The following KIAA1328 variants were observed in gnomAD, a reference collection of about 807,000 sequenced individuals.
KIAA1328 encodes KIAA1328.
Under a neutral mutation model 68.1 loss-of-function variants are expected in KIAA1328, and 52 were observed. The observed-to-expected ratio is 0.76, with a 90% CI of 0.61 to 0.96. KIAA1328 has a LOEUF of 0.96. KIAA1328 is among the 40% of genes least tolerant of loss of function. The pLI, the probability that KIAA1328 is intolerant of heterozygous loss-of-function variation, is 0.00. For missense variants in KIAA1328, 641 were observed against 677.6 expected, an observed-to-expected ratio of 0.95 and a Z score of 0.60; for synonymous variants, 232 against 239.4, an observed-to-expected ratio of 0.97 and a Z score of 0.28.
intron 6 of KIAA1328, among the ~76,000 whole-genome samples, chr18:37,062,637 A>G (rs757305271): frequency 6.1e-4 from 92 of 151,880 alleles, no homozygotes; most frequent in Admixed American, 5.9e-3. Flanking sequence ...TTATATTTGT[A>G]GTAGAGACAG....
chr18:37,133,856 C>T (rs1411329701), intron 7 of KIAA1328, among the ~76,000 whole-genome samples: 3 of 152,006 alleles, frequency 2.0e-5, no homozygotes, highest in Non-Finnish European at 4.4e-5. Flanking sequence ...TAAAAACATT[C>T]GCATGACAAG....
At chr18:37,048,720 A>G (rs2055574695) in intron 6 of KIAA1328, among the ~76,000 whole-genome samples, 1 of 152,194 alleles carries the variant, frequency 6.6e-6, no homozygotes, top group African/African-American at 2.4e-5. Flanking sequence ...AAGACAGTTG[A>G]AATTTTCCTT....
chr18:37,103,242 C>G (rs750204339), intron 7 of KIAA1328, among the ~76,000 whole-genome samples: 48 of 152,114 alleles, frequency 3.2e-4, no homozygotes, highest in Non-Finnish European at 5.7e-4. Context: ...ATCACACTAC[C>G]TGACTTCAAG....
At chr18:37,158,886 T>A (rs1034889574) in intron 7 of KIAA1328, among the ~76,000 whole-genome samples, 1 of 152,098 alleles carries the variant, frequency 6.6e-6, no homozygotes, top group African/African-American at 2.4e-5. Flanking sequence ...GTCACTGGAT[T>A]TGCCTGGGTT....
At chr18:37,120,821 G>C (rs1456650579) in intron 7 of KIAA1328, among the ~76,000 whole-genome samples, 1 of 152,110 alleles carries the variant, frequency 6.6e-6, no homozygotes, top group Non-Finnish European at 1.5e-5. Flanking sequence ...CTTTTTTAAA[G>C]CTCCACTTTA....
chr18:37,100,595 C>A (rs1034097694), intron 7 of KIAA1328, among the ~76,000 whole-genome samples: 1 of 152,228 alleles, frequency 6.6e-6, no homozygotes, highest in Non-Finnish European at 1.5e-5. Flanking sequence ...CCTCTGGGGG[C>A]AGGGCATAGC....
intron 7 of KIAA1328, among the ~76,000 whole-genome samples, chr18:37,115,709 A>G (rs1007222760): frequency 1.3e-5 from 2 of 152,232 alleles, no homozygotes; most frequent in African/African-American, 4.8e-5. Flanking sequence ...AATTAGGAAG[A>G]GAGGAAGTCA....
chr18:37,065,295 AG>A (rs1171139871), intron 6 of KIAA1328, among the ~76,000 whole-genome samples: 3 of 152,214 alleles, frequency 2.0e-5, no homozygotes, highest in Non-Finnish European at 2.9e-5. Flanking sequence ...AGGAAGTGTT[AG>A]TGGAAGCTGT....
chr18:37,135,979 C>T (rs548513729), intron 7 of KIAA1328, among the ~76,000 whole-genome samples: 1 of 152,170 alleles, frequency 6.6e-6, no homozygotes, highest in African/African-American at 2.4e-5. Context: ...GTGGCTTTAT[C>T]TTTGGGTTTT....
intron 9 of KIAA1328, among the ~76,000 whole-genome samples, chr18:37,210,641 C>T (rs1343293319): frequency 6.6e-6 from 1 of 152,196 alleles, no homozygotes; most frequent in Non-Finnish European, 1.5e-5. Flanking sequence ...TTTATAGTCT[C>T]CTATCACATG....
At chr18:36,968,960 A>C (rs1346214127) in intron 6 of KIAA1328, among the ~76,000 whole-genome samples, 5 of 152,216 alleles carry the variant, frequency 3.3e-5, no homozygotes, top group Admixed American at 6.5e-5. Context: ...AGTACAATAA[A>C]AATAGAATTC....
In KIAA1328 at chr18:37,027,134, T is replaced by C. The variant is rs141114756; in HGVS notation, c.577-39756T>C. Among the ~76,000 whole-genome samples, 48 of 152,128 alleles carry C rather than the reference T, an allele frequency of 3.2e-4. No homozygotes were observed. In the East Asian group the frequency reaches 8.5e-3, roughly 27 times the overall value. Reference sequence around the variant, plus strand: ...CTATTCACAATTGCTTCAAAGAGAATAAAATACCTAGGAATCCAACTTACA... The same window carrying C: ...CTATTCACAATTGCTTCAAAGAGAACAAAATACCTAGGAATCCAACTTACA... On this transcript the variant is annotated intron_variant, in intron 6 of 9. Coordinates refer to ENST00000280020, the MANE Select transcript of KIAA1328 (RefSeq NM_020776.3).
At position 37,205,290 on chromosome 18, in the gene KIAA1328, G is replaced by A. The variant is rs916975454; in HGVS notation, c.1524-16727G>A. Among the ~76,000 whole-genome samples the A allele has an allele frequency of 3.3e-5, 5 of 152,198 alleles. 1 individual carries two copies. The highest frequency in any genetic ancestry group is 5.9e-5 in the Non-Finnish European group (4 of 68,040). On this transcript the variant is annotated intron_variant, in intron 9 of 9. Transcript: ENST00000280020. ...GTAAAACAGGAGAACAAAAGCTGCCGTGGGGATAGTGCCAAAGGTGGGAAA... is the reference window on the plus strand; with the variant it reads ...GTAAAACAGGAGAACAAAAGCTGCCATGGGGATAGTGCCAAAGGTGGGAAA...
chr18:37,006,070 T>C (rs1159192001), intron 6 of KIAA1328, among the ~76,000 whole-genome samples: 1 of 151,772 alleles, frequency 6.6e-6, no homozygotes, highest in Non-Finnish European at 1.5e-5. Flanking sequence ...AAAAATGTAT[T>C]GTAATCAGGT....
chr18:37,191,153 A>G (rs2154217423), intron 9 of KIAA1328, among the ~76,000 whole-genome samples: 1 of 152,276 alleles, frequency 6.6e-6, no homozygotes, highest in Non-Finnish European at 1.5e-5. Context: ...CTGTCTGCGG[A>G]ATCATTCTAA....
chr18:37,156,575 G>T (rs16968574), intron 7 of KIAA1328, among the ~76,000 whole-genome samples: 1,634 of 152,048 alleles, frequency 0.011, 38 homozygotes, highest in African/African-American at 0.037. Context: ...GGCCCATAAA[G>T]TGTGTTCTTC....
intron 7 of KIAA1328, chr18:37,075,485 TTAAC>T (rs2056691046): frequency 6.6e-6 from 1 of 152,106 alleles, no homozygotes; most frequent in Admixed American, 6.6e-5. Context: ...CATAACAATA[TTAAC>T]TTTAAATGTA....
At chr18:37,091,892 G>A (rs1353951974) in intron 7 of KIAA1328, among the ~76,000 whole-genome samples, 1 of 152,196 alleles carries the variant, frequency 6.6e-6, no homozygotes, top group Non-Finnish European at 1.5e-5. Flanking sequence ...CATAGCCTGA[G>A]AGCTGCCTAT....
At position 36,882,964 on chromosome 18, in the gene KIAA1328, A is replaced by G. The variant is rs148816892; in HGVS notation, c.333-2593A>G. Among the ~76,000 whole-genome samples the G allele has an allele frequency of 5.9e-5, 9 of 152,342 alleles. No individual in the cohort carries two copies. In the East Asian group the frequency reaches 1.4e-3, roughly 23 times the overall value. ...TATGAATGGGATTGAAACTACAGAA[A>G]GCCATTTTTTAGATCCCTTTTGGAA... is the stretch of plus-strand genomic sequence containing the variant. On this transcript the variant is annotated intron_variant, in intron 4 of 9. Transcript: ENST00000280020.
Sources: gnomAD v4.1 joint callset for allele counts (sites outside exome capture counted in the v4.1 genomes callset) on GRCh38, gnomAD v4.1.1 for gene constraint, MANE v1.5 for transcripts, NCBI Gene and HGNC (gene_info 2026-07-23, HGNC 2026-07-21) for gene names.